RB1CC1: variants seen among roughly 807,000 people sequenced by gnomAD.
RB1CC1 encodes RB1 inducible coiled-coil 1, also known as RB1-inducible coiled-coil protein 1.
Under a neutral mutation model 177.5 loss-of-function variants are expected in RB1CC1, and 46 were observed. That is an observed-to-expected ratio of 0.26 (90% confidence interval 0.20 to 0.33). The LOEUF (loss-of-function observed/expected upper bound fraction) is 0.33. RB1CC1 is among the 10% of genes least tolerant of loss of function. The pLI is 1.00. For synonymous variants in RB1CC1, 666 were observed against 613.6 expected, an observed-to-expected ratio of 1.09 and a Z score of -1.26; for missense variants, 1,703 against 1,816.3, an observed-to-expected ratio of 0.94 and a Z score of 1.13.
At position 52,661,228 on chromosome 8, in the gene RB1CC1, G is replaced by A; in HGVS notation, c.1412C>T (p.Ala471Val). The change falls in exon 10 of 24, where the codon GCT (alanine) becomes GTT (valine). Residue 471 changes from alanine (A) to valine (V), a missense_variant. This residue lies in a region of RB1CC1 where 1,169 missense variants were observed against 1,184.7 expected (regional missense o/e 0.99). Transcript: ENST00000025008. ...HADQDGEKLQ[A>V]LLRLVIELLE... ...CAGCTCTATTACGAGGCGGAGCAAA[G>A]CTTGTAACTTCTCTCCATCTTGATC... 6.2e-7 allele frequency: 1 copy of A among 1,613,804 alleles called. No individual in the cohort carries two copies. The highest frequency in any genetic ancestry group is 1.1e-5 in the South Asian group (1 of 91,054).
chr8:52,680,899 G>A (rs568885428), intron 5 of RB1CC1, among the ~76,000 whole-genome samples: 6 of 152,060 alleles, frequency 3.9e-5, no homozygotes, highest in Middle Eastern at 3.4e-3. Flanking sequence ...GAACAGGGAG[G>A]ATGAAAACTG....
At chr8:52,645,991 G>T in intron 15 of RB1CC1, 124 bp from the exon 16 acceptor site, 2 of 916,766 alleles carry the variant, frequency 2.2e-6, no homozygotes, top group Non-Finnish European at 3.3e-6. Context: ...ATATCTGTGT[G>T]AACCCTCTCT....
chr8:52,642,225 T>C (rs1849645744), intron 18 of RB1CC1, 126 bp downstream of exon 18: 2 of 1,270,726 alleles, frequency 1.6e-6, no homozygotes, highest in East Asian at 2.4e-5. Context: ...AGAATTAAAA[T>C]AGCACAACTT....
At position 52,657,781 on chromosome 8, in the gene RB1CC1, G is replaced by A; in HGVS notation, c.2048C>T (p.Ala683Val). 6.2e-7 allele frequency: 1 copy of A among 1,613,862 alleles called. No homozygotes were observed. The highest frequency in any genetic ancestry group is 8.5e-7 in the Non-Finnish European group (1 of 1,179,962). Residue 683 changes from alanine (A) to valine (V), a missense_variant, in exon 15 of 24, where the codon GCA (alanine) becomes GTA (valine). This residue lies in a region of RB1CC1 where 1,169 missense variants were observed against 1,184.7 expected (regional missense o/e 0.99). Transcript: ENST00000025008. ...PLTVQDPLCP[A>V]VCPLEELSPD... Reference sequence around the variant, plus strand: ...AGATAATTCTTCTAAGGGACAAACTGCAGGACATAAGGGATCCTGAACAGT... The same window carrying A: ...AGATAATTCTTCTAAGGGACAAACTACAGGACATAAGGGATCCTGAACAGT...
intron 13 of RB1CC1, 31 bp downstream of exon 13, chr8:52,658,842 T>C (rs780081748): frequency 1.4e-6 from 2 of 1,457,534 alleles, no homozygotes; most frequent in Non-Finnish European, 1.9e-6. Flanking sequence ...TTTAAGGTTA[T>C]AAATTAACTG....
chr8:52,639,751 G>T (rs1849421073), intron 18 of RB1CC1, among the ~76,000 whole-genome samples: 3 of 152,240 alleles, frequency 2.0e-5, no homozygotes, highest in African/African-American at 4.8e-5. Context: ...AGTAATCAGT[G>T]AGTATGGTTA....
At chr8:52,632,293 A>C (rs1378837153) in intron 20 of RB1CC1, among the ~76,000 whole-genome samples, 2 of 152,182 alleles carry the variant, frequency 1.3e-5, no homozygotes, top group East Asian at 3.9e-4. Context: ...ACAGATAAGG[A>C]TATTTTGTTT....
At chr8:52,688,737 C>A (rs1591093276) in intron 1 of RB1CC1, among the ~76,000 whole-genome samples, 1 of 152,252 alleles carries the variant, frequency 6.6e-6, no homozygotes, top group East Asian at 1.9e-4. Flanking sequence ...ACACCCCCTC[C>A]CCTTTTGAAA....
Position 52,661,101 on chromosome 8 carries a change from G to A in RB1CC1, c.1539C>T (p.Tyr513=). The A allele has an allele frequency of 6.2e-7, 1 of 1,613,180 alleles. No individual in the cohort carries two copies. Among genetic ancestry groups the A allele is most frequent in the Non-Finnish European group, 8.5e-7 (1 of 1,179,610 alleles). ...TAGAATTCAACTTGCATACCTCCCT[G>A]TAGTGTTTTATGAACATTTTTCTTC... ...VVRRKMFIKH[Y]REWAGALVKD... The change falls in exon 10 of 24, where the codon TAC becomes TAT. Residue 513 remains tyrosine (Y), a synonymous_variant. Coordinates refer to ENST00000025008, the MANE Select transcript of RB1CC1 (RefSeq NM_014781.5).
chr8:52,694,818 G>A (rs535582907), intron 1 of RB1CC1, among the ~76,000 whole-genome samples: 1 of 152,226 alleles, frequency 6.6e-6, no homozygotes, highest in African/African-American at 2.4e-5. Context: ...ACAATGACTG[G>A]TATTCTAGTT....
chr8:52,659,494 T>A (rs1851413393), intron 12 of RB1CC1, among the ~76,000 whole-genome samples: 2 of 152,124 alleles, frequency 1.3e-5, no homozygotes, highest in Admixed American at 6.5e-5. Context: ...ATCCTACCAA[T>A]TCATTATTTA....
chr8:52,655,396 A>G (rs899874162), intron 15 of RB1CC1, among the ~76,000 whole-genome samples: 1 of 152,166 alleles, frequency 6.6e-6, no homozygotes, highest in African/African-American at 2.4e-5. Context: ...AAGTAAAAAT[A>G]CTAAAAACCA....
intron 20 of RB1CC1, among the ~76,000 whole-genome samples, chr8:52,631,362 G>A (rs373095636): frequency 1.5e-4 from 23 of 152,260 alleles, no homozygotes; most frequent in African/African-American, 5.1e-4. Context: ...CCAGCTACTC[G>A]GAAGTCTGAG....
intron 1 of RB1CC1, among the ~76,000 whole-genome samples, chr8:52,687,986 T>C (rs1397943144): frequency 6.6e-6 from 1 of 152,174 alleles, no homozygotes; most frequent in Non-Finnish European, 1.5e-5. Flanking sequence ...ATTGTGAACA[T>C]TTCATGGACA....
intron 13 of RB1CC1, among the ~76,000 whole-genome samples, chr8:52,658,372 T>A (rs758017964): frequency 3.3e-5 from 5 of 151,492 alleles, no homozygotes; most frequent in Non-Finnish European, 5.9e-5. Context: ...AGGTCAGGAG[T>A]TCGAGACCAG....
chr8:52,710,084 T>A (rs141414021), intron 1 of RB1CC1, among the ~76,000 whole-genome samples: 26 of 152,328 alleles, frequency 1.7e-4, no homozygotes, highest in African/African-American at 6.0e-4. Flanking sequence ...GGCTACTGCA[T>A]CAATGGAGAT....
intron 1 of RB1CC1, among the ~76,000 whole-genome samples, chr8:52,696,443 A>T (rs775777127): frequency 6.6e-6 from 1 of 152,214 alleles, no homozygotes; most frequent in Non-Finnish European, 1.5e-5. Flanking sequence ...TTAATATGCC[A>T]TAAAGCAAGA....
intron 12 of RB1CC1, 127 bp downstream of exon 12, chr8:52,660,469 A>T: frequency 4.4e-6 from 4 of 913,392 alleles, no homozygotes; most frequent in Non-Finnish European, 6.6e-6. Flanking sequence ...TAAAGCCAAA[A>T]ACACTTTTAT....
chr8:52,640,892 A>C (rs1849515538), intron 18 of RB1CC1, among the ~76,000 whole-genome samples: 1 of 152,164 alleles, frequency 6.6e-6, no homozygotes, highest in Non-Finnish European at 1.5e-5. Context: ...ACCAGACAGA[A>C]ACCTAAGTAA....
Sources: gnomAD v4.1 joint callset for allele counts (sites outside exome capture counted in the v4.1 genomes callset) on GRCh38, gnomAD v4.1.1 for gene constraint, gnomAD v4.1.1 regional missense constraint, MANE v1.5 for transcripts, NCBI Gene and HGNC (gene_info 2026-07-23, HGNC 2026-07-21) for gene names.